The following RUNX1 variants were observed in gnomAD, a reference collection of about 807,000 sequenced individuals.
RUNX1 encodes RUNX family transcription factor 1, also known as runt-related transcription factor 1.
In RUNX1, 19 loss-of-function variants were observed where a neutral mutation model predicts 42.8. The observed-to-expected ratio is 0.44, with a 90% CI of 0.31 to 0.65. The LOEUF (loss-of-function observed/expected upper bound fraction) is 0.65. Among genes scored for constraint, RUNX1 ranks in the 30% least tolerant of loss-of-function variants. RUNX1 has a pLI of 0.07. For missense variants in RUNX1, 528 were observed against 672.0 expected (o/e 0.79, Z 2.37); for synonymous variants, 271 against 289.4 (o/e 0.94, Z 0.64).
intron 2 of RUNX1, among the ~76,000 whole-genome samples, chr21:35,034,665 C>A (rs928428288): frequency 1.3e-5 from 2 of 152,204 alleles, no homozygotes; most frequent in African/African-American, 2.4e-5. Context: ...TGCTGCTTAG[C>A]AGCCTACATA....
At chr21:34,900,505 G>A (rs1030259563) in intron 2 of RUNX1, among the ~76,000 whole-genome samples, 2 of 152,174 alleles carry the variant, frequency 1.3e-5, no homozygotes, top group African/African-American at 2.4e-5. Context: ...CTGAAGCAAA[G>A]TTCAGAATTT....
At chr21:34,964,997 CACAT>C (rs151198085) in intron 2 of RUNX1, among the ~76,000 whole-genome samples, 13,550 of 152,132 alleles carry the variant, frequency 0.089, 870 homozygotes, top group African/African-American at 0.18. Context: ...CAAGCACACT[CACAT>C]ACGTGCACAC....
At chr21:35,000,940 C>T (rs1156315981) in intron 2 of RUNX1, among the ~76,000 whole-genome samples, 1 of 152,170 alleles carries the variant, frequency 6.6e-6, no homozygotes, top group Non-Finnish European at 1.5e-5. Flanking sequence ...AAGGCAACCT[C>T]GAATGTCTCT....
At chr21:35,017,440 G>A (rs933485304) in intron 2 of RUNX1, among the ~76,000 whole-genome samples, 9 of 152,152 alleles carry the variant, frequency 5.9e-5, no homozygotes, top group African/African-American at 2.2e-4. Context: ...GTCACATTTT[G>A]GTTAGGGATC....
intron 7 of RUNX1, among the ~76,000 whole-genome samples, chr21:34,810,728 G>A (rs1051846220): frequency 2.0e-5 from 3 of 152,118 alleles, no homozygotes; most frequent in African/African-American, 4.8e-5. Context: ...CCCTCTGCCC[G>A]ATATTGTCAA....
At chr21:35,019,233 C>T (rs1426556119) in intron 2 of RUNX1, among the ~76,000 whole-genome samples, 1 of 152,228 alleles carries the variant, frequency 6.6e-6, no homozygotes, top group Non-Finnish European at 1.5e-5. Context: ...GCTTTCTTCT[C>T]CTGGATACCT....
At chr21:35,034,294 T>C (rs564385894) in intron 2 of RUNX1, among the ~76,000 whole-genome samples, 11 of 152,358 alleles carry the variant, frequency 7.2e-5, no homozygotes, top group African/African-American at 2.6e-4. Context: ...CCTTTTCTTC[T>C]CTGCTCTTCA....
chr21:35,033,574 G>C (rs563188672), intron 2 of RUNX1, among the ~76,000 whole-genome samples: 27 of 152,310 alleles, frequency 1.8e-4, no homozygotes, highest in Non-Finnish European at 1.5e-4. Flanking sequence ...CTGAACAACA[G>C]CCCTGTCAGG....
intron 7 of RUNX1, among the ~76,000 whole-genome samples, chr21:34,815,312 T>G (rs7280428): frequency 6.6e-6 from 1 of 152,136 alleles, no homozygotes; most frequent in Non-Finnish European, 1.5e-5. Flanking sequence ...TCTTCATCCA[T>G]TCAGCTGAAA....
intron 2 of RUNX1, among the ~76,000 whole-genome samples, chr21:34,945,864 A>T (rs1288654809): frequency 6.6e-6 from 1 of 151,812 alleles, no homozygotes; most frequent in Non-Finnish European, 1.5e-5. Context: ...TTCTCTTCAG[A>T]CTCCAGTCCC....
At chr21:34,880,238 T>C (rs2057874673) in intron 5 of RUNX1, among the ~76,000 whole-genome samples, 1 of 152,228 alleles carries the variant, frequency 6.6e-6, no homozygotes, top group Non-Finnish European at 1.5e-5. Flanking sequence ...TGTAATTGTA[T>C]AATCCTAGTT....
rs534135538 is a variant in RUNX1, at chr21:34,941,363, T to C, written c.59-48400A>G. ...CTGCAGCAACTCCTGGAACTCCTCC[T>C]GAATACAATCCACCTGCTGTTTTGT... On this transcript the variant is annotated intron_variant, in intron 2 of 8. Coordinates refer to ENST00000675419, the MANE Select transcript of RUNX1 (RefSeq NM_001754.5). 4.6e-5 allele frequency among the ~76,000 whole-genome samples: 7 copies of C among 152,360 alleles called. No individual in the cohort carries two copies. The East Asian group carries it at 1.3e-3, about 29-fold the overall frequency.
rs142286641 is a variant in RUNX1, at chr21:34,807,258, G to A, written c.806-7796C>T. On this transcript the variant is annotated intron_variant, in intron 7 of 8. Coordinates refer to ENST00000675419, the MANE Select transcript of RUNX1 (RefSeq NM_001754.5). The stretch of plus-strand genomic sequence containing the variant: ...GAGAAGATGGATAGAGACCCCTCCC[G>A]GCCCTCCTCTGACTGTCCACTCTAG... 9.2e-5 allele frequency among the ~76,000 whole-genome samples: 14 copies of A among 152,128 alleles called. No individual in the cohort carries two copies. In the South Asian group the frequency reaches 1.0e-3, roughly 11 times the overall value.
intron 2 of RUNX1, among the ~76,000 whole-genome samples, chr21:34,953,806 TCAGTGGGGAGCATTC>T (rs1414184762): frequency 6.6e-6 from 1 of 152,046 alleles, no homozygotes; most frequent in Non-Finnish European, 1.5e-5. Flanking sequence ...AAACATAAAC[TCAGTGGGGAGCATTC>T]CAGAGAGAGA....
intron 2 of RUNX1, among the ~76,000 whole-genome samples, chr21:35,045,361 C>T (rs1052463081): frequency 1.3e-5 from 2 of 152,126 alleles, no homozygotes; most frequent in South Asian, 2.1e-4. Context: ...TGCTAAGACC[C>T]ACTGTTAGGG....
intron 5 of RUNX1, among the ~76,000 whole-genome samples, chr21:34,862,941 A>C (rs2057598458): frequency 6.6e-6 from 1 of 152,182 alleles, no homozygotes; most frequent in Admixed American, 6.5e-5. Context: ...CCACCACGCT[A>C]TCCACGACTA....
chr21:34,884,566 G>C (rs927956369), intron 4 of RUNX1, among the ~76,000 whole-genome samples: 1 of 152,226 alleles, frequency 6.6e-6, no homozygotes, highest in African/African-American at 2.4e-5. Flanking sequence ...GGCAGATAGA[G>C]TGAAGCCAGG....
chr21:34,942,627 G>A (rs1223987350), intron 2 of RUNX1, among the ~76,000 whole-genome samples: 1 of 152,236 alleles, frequency 6.6e-6, no homozygotes, highest in Non-Finnish European at 1.5e-5. Flanking sequence ...ATCCTTTGCA[G>A]CCACCTGGGA....
intron 7 of RUNX1, among the ~76,000 whole-genome samples, chr21:34,826,786 G>T (rs755825678): frequency 6.6e-6 from 1 of 152,124 alleles, no homozygotes; most frequent in Non-Finnish European, 1.5e-5. Flanking sequence ...CCAGTCTCAG[G>T]CATTTAACAA....
Sources: gnomAD v4.1 joint callset for allele counts (sites outside exome capture counted in the v4.1 genomes callset) on GRCh38, gnomAD v4.1.1 for gene constraint, MANE v1.5 for transcripts, NCBI Gene and HGNC (gene_info 2026-07-23, HGNC 2026-07-21) for gene names.